The following LRRC36 variants were observed in gnomAD, a reference collection of about 807,000 sequenced individuals.
LRRC36 encodes leucine-rich repeat-containing protein 36.
Under a neutral mutation model 81.1 loss-of-function variants are expected in LRRC36, and 62 were observed. That is an observed-to-expected ratio of 0.76 (90% confidence interval 0.62 to 0.94). LRRC36 has a LOEUF of 0.94. Ranked by LOEUF, LRRC36 falls within the 40% of genes least tolerant of loss-of-function variation. The pLI is 0.00. For synonymous variants in LRRC36, 334 were observed against 348.6 expected, an observed-to-expected ratio of 0.96 and a Z score of 0.47; for missense variants, 761 against 881.7, an observed-to-expected ratio of 0.86 and a Z score of 1.73.
At chr16:67,336,367 T>G (rs2142590924) in intron 1 of LRRC36, among the ~76,000 whole-genome samples, 1 of 152,342 alleles carries the variant, frequency 6.6e-6, no homozygotes, top group South Asian at 2.1e-4. Context: ...AGGGATTTAC[T>G]TGTGTTTAGC....
At position 67,330,009 on chromosome 16, in the gene LRRC36, A is replaced by AT. The variant is rs930844594; in HGVS notation, c.70+3085dup. 4.6e-5 allele frequency among the ~76,000 whole-genome samples: 7 copies of AT among 151,924 alleles called. No individual in the cohort carries two copies. In the South Asian group the frequency reaches 6.2e-4, roughly 14 times the overall value. ...GTCTTATTTGATCTGTAGGCTCCCCATTTTTTTTCCCTCGCATTTTCAATT... is the reference window on the plus strand; with the variant it reads ...GTCTTATTTGATCTGTAGGCTCCCCATTTTTTTTTCCCTCGCATTTTCAATT... On this transcript the variant is annotated intron_variant, in intron 1 of 13. Coordinates refer to ENST00000329956, the MANE Select transcript of LRRC36 (RefSeq NM_018296.6).
intron 9 of LRRC36, among the ~76,000 whole-genome samples, chr16:67,374,803 T>A (rs2039815008): frequency 1.3e-5 from 2 of 152,094 alleles, no homozygotes; most frequent in South Asian, 4.1e-4. Context: ...GCTACTCAAA[T>A]CCAAACTGAA....
In LRRC36 at chr16:67,365,667, T is replaced by C. The variant is rs190657678; in HGVS notation, c.754+312T>C. Among the ~76,000 whole-genome samples, 6 of 152,326 alleles carry C rather than the reference T, an allele frequency of 3.9e-5. No homozygotes were observed. In the East Asian group the frequency reaches 1.2e-3, roughly 29 times the overall value. On this transcript the variant is annotated intron_variant, in intron 7 of 13. Transcript: ENST00000329956. ...TGTTTCTCTCTACTGGTTTATAAGT[T>C]ATATACATTTTCTATACTTTTAGTA...
Position 67,350,256 on chromosome 16 carries a change from A to C in LRRC36, c.543A>C (p.Lys181Asn), listed in dbSNP as rs746724819. ...TAACAGGTGAGAGCTCTGCATCAAA[A>C]GTCAGTGCTAATGTTGACAGCAGGA... is the stretch of plus-strand genomic sequence containing the variant. Reference protein sequence around the residue: ...NCVTGESSASKVSANVDSRIE... With the variant: ...NCVTGESSASNVSANVDSRIE... The change falls in exon 5 of 14, where the codon AAA (lysine) becomes AAC (asparagine). Residue 181 changes from lysine (K) to asparagine (N), a missense_variant. Physicochemically the swap from Lys to Asn is moderately conservative, Grantham distance 94 (BLOSUM62 0). Transcript: ENST00000329956. 1.2e-6 allele frequency: 2 copies of C among 1,613,966 alleles called. No individual in the cohort carries two copies. Among genetic ancestry groups the C allele is most frequent in the South Asian group, 2.2e-5 (2 of 91,060 alleles).
At chr16:67,352,755 G>T (rs1390675956) in intron 5 of LRRC36, among the ~76,000 whole-genome samples, 1 of 151,368 alleles carries the variant, frequency 6.6e-6, no homozygotes, top group Non-Finnish European at 1.5e-5. Flanking sequence ...TCAGCTCACT[G>T]CAACCTCTGC....
intron 5 of LRRC36, among the ~76,000 whole-genome samples, chr16:67,360,328 G>T (rs1376896806): frequency 6.6e-6 from 1 of 152,094 alleles, no homozygotes; most frequent in African/African-American, 2.4e-5. Flanking sequence ...GGCGGTAGGG[G>T]ATTTGAACCA....
At chr16:67,376,992 C>G in intron 11 of LRRC36, 120 bp downstream of exon 11, 1 of 1,116,134 alleles carries the variant, frequency 9.0e-7, no homozygotes, top group South Asian at 2.2e-5. Context: ...CTGGGCACAG[C>G]AGGAATACAA....
chr16:67,327,180 T>G, intron 1 of LRRC36: 21 of 372,950 alleles, frequency 5.6e-5, no homozygotes, highest in East Asian at 8.9e-5. Context: ...GAGTGTGAAG[T>G]AGGGAAGGAG....
Position 67,350,306 on chromosome 16 carries a change from G to A in LRRC36, c.577+16G>A, listed in dbSNP as rs1214762534. 3 of 1,589,250 alleles carry A rather than the reference G, an allele frequency of 1.9e-6. No homozygotes were observed. The highest frequency in any genetic ancestry group is 1.7e-5 in the Admixed American group (1 of 58,062). ...ATTGAAATGGGTAAGTTTTCTCCCTGTGATTATAAAATGATTAAAACATCA... is the reference window on the plus strand; with the variant it reads ...ATTGAAATGGGTAAGTTTTCTCCCTATGATTATAAAATGATTAAAACATCA... On this transcript the variant is annotated intron_variant, in intron 5 of 13. Transcript: ENST00000329956.
Position 67,342,103 on chromosome 16 carries a change from G to A in LRRC36, c.198+19G>A, listed in dbSNP as rs369184913. 1.3e-6 allele frequency: 2 copies of A among 1,543,244 alleles called. No individual in the cohort carries two copies. The highest frequency in any genetic ancestry group is 2.7e-5 in the African/African-American group (2 of 72,796). On this transcript the variant is annotated intron_variant, in intron 2 of 13. Transcript: ENST00000329956. ...CCTTAAGGTAAGTTATATATTCTAT[G>A]ACCAGCCAGGTCTGCCCAATTTATT...
At chr16:67,364,197 G>T (rs951878551) in intron 6 of LRRC36, among the ~76,000 whole-genome samples, 8 of 152,172 alleles carry the variant, frequency 5.3e-5, no homozygotes, top group African/African-American at 1.9e-4. Context: ...TGGAAGTTGT[G>T]GGCAATGGGA....
intron 1 of LRRC36, among the ~76,000 whole-genome samples, chr16:67,333,420 C>T (rs1322045470): frequency 1.3e-5 from 2 of 152,168 alleles, no homozygotes; most frequent in Non-Finnish European, 2.9e-5. Flanking sequence ...GCATGAGCCA[C>T]CACACGTAGC....
chr16:67,356,401 T>C (rs1387063228), intron 5 of LRRC36, among the ~76,000 whole-genome samples: 2 of 152,218 alleles, frequency 1.3e-5, no homozygotes, highest in African/African-American at 4.8e-5. Flanking sequence ...AACTAGAAGT[T>C]CATTTATCTC....
chr16:67,340,849 T>TATACTCTATAGAATATATACTACAC (rs1303001617), intron 1 of LRRC36, among the ~76,000 whole-genome samples: 5 of 146,610 alleles, frequency 3.4e-5, no homozygotes, highest in African/African-American at 1.2e-4. Flanking sequence ...ATATACCACA[T>TATACTCTATAGAATATATACTACAC]ATACTCTATA....
chr16:67,350,248 GC>G lies in LRRC36; in HGVS notation c.536del (p.Ala179AspfsTer29). On this transcript the variant is annotated frameshift_variant, in exon 5 of 14. Coordinates refer to ENST00000329956, the MANE Select transcript of LRRC36 (RefSeq NM_018296.6). LOFTEE classifies it high-confidence loss of function. ...MKNCVTGESS[A>X]SKVSANVDSR... ...AAACTGTGTAACAGGTGAGAGCTCT[GC>G]ATCAAAAGTCAGTGCTAATGTTGAC... 6.2e-7 allele frequency: 1 copy of G among 1,613,010 alleles called. No homozygotes were observed. Among genetic ancestry groups the G allele is most frequent in the South Asian group, 1.1e-5 (1 of 91,042 alleles).
chr16:67,368,220 A>G lies in LRRC36; in HGVS notation c.1195+763A>G, dbSNP rs192583375. Among the ~76,000 whole-genome samples the G allele has an allele frequency of 2.6e-5, 4 of 152,352 alleles. No homozygotes were observed. In the East Asian group the frequency reaches 7.7e-4, roughly 29 times the overall value. ...AAAGTTCCATGTATATTTTACCATA[A>G]TAAGAAGACAGTCCCTACTTTCATA... On this transcript the variant is annotated intron_variant, in intron 8 of 13. Transcript: ENST00000329956.
chr16:67,358,251 G>A lies in LRRC36; in HGVS notation c.578-5339G>A, dbSNP rs1345735397. On this transcript the variant is annotated intron_variant, in intron 5 of 13. Coordinates refer to ENST00000329956, the MANE Select transcript of LRRC36 (RefSeq NM_018296.6). ...AGACTTCATAAAAATTAAAATTTTT[G>A]TGTTTTAAAGGACACTATCAAAGTG... Among the ~76,000 whole-genome samples, 3 of 145,736 alleles carry A rather than the reference G, an allele frequency of 2.1e-5. No individual in the cohort carries two copies. In the Admixed American group the frequency reaches 2.1e-4, roughly 10 times the overall value.
At chr16:67,350,362 T>C in intron 5 of LRRC36, 72 bp downstream of exon 5, 1 of 1,223,456 alleles carries the variant, frequency 8.2e-7, no homozygotes, top group South Asian at 1.3e-5. Flanking sequence ...CAATATTGGG[T>C]AAGATGAAGA....
intron 2 of LRRC36, among the ~76,000 whole-genome samples, chr16:67,344,309 G>A (rs2885477): frequency 2.0e-5 from 3 of 152,132 alleles, no homozygotes; most frequent in Non-Finnish European, 4.4e-5. Flanking sequence ...CTTAAGCCAG[G>A]TGTGGTGGTT....
Sources: gnomAD v4.1 joint callset for allele counts (sites outside exome capture counted in the v4.1 genomes callset) on GRCh38, gnomAD v4.1.1 for gene constraint, MANE v1.5 for transcripts, NCBI Gene and HGNC (gene_info 2026-07-23, HGNC 2026-07-21) for gene names.